Variants in TMEM267 observed in about 807,000 individuals in gnomAD.
The protein encoded by TMEM267 is transmembrane protein 267.
Under a neutral mutation model 19.3 loss-of-function variants are expected in TMEM267, and 20 were observed. That is an observed-to-expected ratio of 1.04 (90% CI 0.73 to 1.51). TMEM267 has a LOEUF of 1.51. Ranked by LOEUF, TMEM267 falls within the 40% of genes most tolerant of loss-of-function variation. The pLI is 0.00. For missense variants in TMEM267, 242 were observed against 261.9 expected (o/e 0.92, Z 0.52); for synonymous variants, 88 against 90.3 (o/e 0.97, Z 0.15).
intron 1 of TMEM267, among the ~76,000 whole-genome samples, chr5:43,468,932 T>A (rs994377402): frequency 6.6e-6 from 1 of 152,122 alleles, no homozygotes; most frequent in African/African-American, 2.4e-5. Flanking sequence ...TTGGAAACTA[T>A]ACAAATACAT....
intron 1 of TMEM267, among the ~76,000 whole-genome samples, chr5:43,475,631 T>C (rs1744369265): frequency 1.3e-5 from 2 of 152,140 alleles, no homozygotes. Context: ...GAAGAAAATG[T>C]ATCATTACAT....
At chr5:43,456,347 T>A (rs2112066821) in intron 1 of TMEM267, among the ~76,000 whole-genome samples, 1 of 152,148 alleles carries the variant, frequency 6.6e-6, no homozygotes, top group East Asian at 1.9e-4. Context: ...GAAAAAAACA[T>A]AAAGTATTTT....
At chr5:43,473,161 A>G (rs930577455) in intron 1 of TMEM267, among the ~76,000 whole-genome samples, 6 of 150,714 alleles carry the variant, frequency 4.0e-5, no homozygotes, top group African/African-American at 1.5e-4. Context: ...AAAAAAAAAA[A>G]TAGAAAGAAT....
intron 1 of TMEM267, among the ~76,000 whole-genome samples, chr5:43,456,230 T>C (rs1177944483): frequency 2.0e-5 from 3 of 152,198 alleles, no homozygotes; most frequent in South Asian, 2.1e-4. Flanking sequence ...GATATCCATA[T>C]GCAAAAATCA....
intron 1 of TMEM267, among the ~76,000 whole-genome samples, chr5:43,455,860 TTTTA>T (rs776736795): frequency 1.3e-5 from 2 of 152,166 alleles, no homozygotes; most frequent in Non-Finnish European, 2.9e-5. Context: ...GCCAATTTTT[TTTTA>T]TTTAAGACAG....
At chr5:43,460,528 TGAAAGAGGCACA>T (rs1265126513) in intron 1 of TMEM267, among the ~76,000 whole-genome samples, 1 of 151,158 alleles carries the variant, frequency 6.6e-6, no homozygotes, top group Non-Finnish European at 1.5e-5. Context: ...TTCACACCAC[TGAAAGAGGCACA>T]GAAGGGATTA....
intron 1 of TMEM267, among the ~76,000 whole-genome samples, chr5:43,476,690 GA>G (rs955379205): frequency 4.0e-5 from 6 of 150,340 alleles, no homozygotes; most frequent in African/African-American, 7.3e-5. Context: ...ATAAACTTTT[GA>G]AAAAAAAGTA....
At chr5:43,479,712 T>A (rs547236748) in intron 1 of TMEM267, among the ~76,000 whole-genome samples, 17 of 152,172 alleles carry the variant, frequency 1.1e-4, no homozygotes, top group African/African-American at 3.6e-4. Flanking sequence ...AACTATTTTT[T>A]AAATGATAAT....
intron 1 of TMEM267, among the ~76,000 whole-genome samples, chr5:43,477,644 C>G (rs1029645839): frequency 2.0e-5 from 3 of 151,934 alleles, no homozygotes; most frequent in African/African-American, 7.2e-5. Context: ...ATGAAGATCT[C>G]CCTGCCACCA....
intron 1 of TMEM267, among the ~76,000 whole-genome samples, chr5:43,478,949 T>C (rs1457008546): frequency 6.6e-6 from 1 of 152,040 alleles, no homozygotes; most frequent in African/African-American, 2.4e-5. Flanking sequence ...AATTTGACTA[T>C]TTATCAAAAA....
chr5:43,473,139 CAAAAAAAAAAAAA>C (rs71610311), intron 1 of TMEM267, among the ~76,000 whole-genome samples: 12 of 84,510 alleles, frequency 1.4e-4, no homozygotes, highest in African/African-American at 5.5e-4. Context: ...CTCCGTGTCA[CAAAAAAAAAAAAA>C]AAAAAAAAAT....
rs567100585 is a variant in TMEM267, at chr5:43,465,574, T to C, written c.-74-11531A>G. Among the ~76,000 whole-genome samples, 257 of 152,218 alleles carry C rather than the reference T, an allele frequency of 1.7e-3. 1 individual carries two copies. The highest frequency in any genetic ancestry group is 5.9e-3 in the African/African-American group (243 of 41,518). ...AACCAACCCAAATGTCCAACAATGATAGACTGGATTAAGAACATGTGGCAC... is the reference window on the plus strand; with the variant it reads ...AACCAACCCAAATGTCCAACAATGACAGACTGGATTAAGAACATGTGGCAC... On this transcript the variant is annotated intron_variant, in intron 1 of 2. Coordinates refer to ENST00000397080, the MANE Select transcript of TMEM267 (RefSeq NM_022483.5).
At chr5:43,448,616 A>T (rs1308071737) in intron 2 of TMEM267, among the ~76,000 whole-genome samples, 1 of 152,112 alleles carries the variant, frequency 6.6e-6, no homozygotes, top group Non-Finnish European at 1.5e-5. Flanking sequence ...GTTTCTACTA[A>T]AAATACAAAA....
At chr5:43,449,323 T>C (rs1742440541) in intron 2 of TMEM267, among the ~76,000 whole-genome samples, 1 of 151,304 alleles carries the variant, frequency 6.6e-6, no homozygotes, top group Admixed American at 6.6e-5. Context: ...AAAAATGATA[T>C]GAGGAAAAAA....
upstream of TMEM267, chr5:43,484,337 C>G (rs1468228533): frequency 5.9e-5 from 9 of 152,246 alleles, no homozygotes; most frequent in African/African-American, 2.2e-4. Context: ...CCGCGAAGCC[C>G]TCAGGGTGGG....
chr5:43,482,508 G>T (rs1030519548), intron 1 of TMEM267, among the ~76,000 whole-genome samples: 4 of 152,230 alleles, frequency 2.6e-5, no homozygotes, highest in East Asian at 1.9e-4. Context: ...TGTTGATAAG[G>T]TTCCTTAAGA....
chr5:43,475,139 T>C (rs1183424103), intron 1 of TMEM267, among the ~76,000 whole-genome samples: 2 of 152,196 alleles, frequency 1.3e-5, no homozygotes, highest in African/African-American at 2.4e-5. Flanking sequence ...CCATCAGTGA[T>C]AGACTGGATA....
rs1243900173 is a variant in TMEM267, at chr5:43,453,992, A to G, written c.-23T>C. The G allele has an allele frequency of 5.0e-6, 8 of 1,603,500 alleles. No homozygotes were observed. Among genetic ancestry groups the G allele is most frequent in the Admixed American group, 3.4e-5 (2 of 58,704 alleles). On this transcript the variant is annotated 5_prime_UTR_variant, in exon 2 of 3. Coordinates refer to ENST00000397080, the MANE Select transcript of TMEM267 (RefSeq NM_022483.5). ...CATGACAAACAATATGTTAGTATAGACTAAAAGCCATCAGGAATGAACAGT... is the reference window on the plus strand; with the variant it reads ...CATGACAAACAATATGTTAGTATAGGCTAAAAGCCATCAGGAATGAACAGT...
chr5:43,449,226 C>G (rs1414062535), intron 2 of TMEM267, among the ~76,000 whole-genome samples: 1 of 151,962 alleles, frequency 6.6e-6, no homozygotes, highest in Non-Finnish European at 1.5e-5. Context: ...GAGCTGAGAT[C>G]ACACCACTGC....
Sources: gnomAD v4.1 joint callset for allele counts (sites outside exome capture counted in the v4.1 genomes callset) on GRCh38, gnomAD v4.1.1 for gene constraint, MANE v1.5 for transcripts, NCBI Gene and HGNC (gene_info 2026-07-23, HGNC 2026-07-21) for gene names.